Variants in SOS1 observed in about 807,000 individuals in gnomAD.
SOS1 encodes the protein SOS Ras/Rac guanine nucleotide exchange factor 1, also known as son of sevenless homolog 1.
A neutral mutation model predicts 157.6 loss-of-function variants in SOS1; 25 were observed. The ratio of observed to expected loss-of-function variants is 0.16; its 90% CI spans 0.12 to 0.22. The LOEUF (loss-of-function observed/expected upper bound fraction) is 0.22. Among genes scored for constraint, SOS1 ranks in the 10% least tolerant of loss-of-function variants. The pLI, the probability that SOS1 is intolerant of heterozygous loss-of-function variation, is 1.00. For missense variants in SOS1, 1,237 were observed against 1,599.1 expected (o/e 0.77, Z 3.86); for synonymous variants, 528 against 534.0 (o/e 0.99, Z 0.16).
At chr2:39,040,232 T>A (rs1670521876) in intron 6 of SOS1, among the ~76,000 whole-genome samples, 1 of 152,052 alleles carries the variant, frequency 6.6e-6, no homozygotes, top group African/African-American at 2.4e-5. Context: ...TTAGCCAGGA[T>A]GGTCTCGATC....
At chr2:39,044,856 GCGCGCGCGCA>G (rs1165463103) in intron 6 of SOS1, among the ~76,000 whole-genome samples, 1 of 28,422 alleles carries the variant, frequency 3.5e-5, no homozygotes, top group Non-Finnish European at 7.1e-5. Flanking sequence ...ACACATGCGC[GCGCGCGCGCA>G]CACACACACA....
At chr2:39,080,781 T>C (rs920286056) in intron 1 of SOS1, among the ~76,000 whole-genome samples, 1 of 152,052 alleles carries the variant, frequency 6.6e-6, no homozygotes, top group African/African-American at 2.4e-5. Flanking sequence ...AGCCTAGCAA[T>C]ACCCAAATTA....
At chr2:38,993,746 T>A (rs1668803038) in intron 20 of SOS1, 2 of 152,176 alleles carry the variant, frequency 1.3e-5, no homozygotes, top group South Asian at 4.1e-4. Flanking sequence ...GGTTAGTGCT[T>A]CTCAACCTCC....
At chr2:39,046,157 T>C (rs1670776339) in intron 6 of SOS1, among the ~76,000 whole-genome samples, 1 of 152,212 alleles carries the variant, frequency 6.6e-6, no homozygotes. Context: ...TGCTTCATTC[T>C]TTCCTATTAT....
At chr2:39,024,761 G>A (rs1182933425) in intron 8 of SOS1, among the ~76,000 whole-genome samples, 2 of 152,064 alleles carry the variant, frequency 1.3e-5, no homozygotes, top group Non-Finnish European at 1.5e-5. Context: ...AAAAACCAAA[G>A]CACTTTGTAA....
At chr2:39,059,006 TTCTTTC>T (rs1485042463) in intron 2 of SOS1, among the ~76,000 whole-genome samples, 4 of 152,094 alleles carry the variant, frequency 2.6e-5, no homozygotes, top group African/African-American at 9.7e-5. Context: ...AGACTAAACA[TTCTTTC>T]TATTATCTAG....
Position 39,067,760 on chromosome 2 carries a change from A to T in SOS1, c.88-7T>A, listed in dbSNP as rs1416502603. On this transcript the variant is annotated splice_region_variant and splice_polypyrimidine_tract_variant and intron_variant, in intron 1 of 22. Transcript: ENST00000402219. ...GATGAACTTGCCCCTGGACCTATAA[A>T]CAAAAAGCAAAGTAATTAAAATGTG... 8 of 1,610,970 alleles carry T rather than the reference A, an allele frequency of 5.0e-6. No homozygotes were observed. Among genetic ancestry groups the T allele is most frequent in the Non-Finnish European group, 6.8e-6 (8 of 1,177,198 alleles).
rs1418670337 is a variant in SOS1, at chr2:38,983,047, G to A, written c.*2777C>T. The A allele has an allele frequency of 6.6e-6, 1 of 152,106 alleles. No homozygotes were observed. Among genetic ancestry groups the A allele is most frequent in the Non-Finnish European group, 1.5e-5 (1 of 68,010 alleles). The allele number at this position is 152,106 out of a possible 1,614,324, so 9.4% of individuals were successfully genotyped here. ...ACCTTTAATTAAGCGAACTCTCAAT[G>A]TATGTTTCCTGATAATGTGTAGTCT... is the stretch of plus-strand genomic sequence containing the variant. On this transcript the variant is annotated 3_prime_UTR_variant, in exon 23 of 23. Transcript: ENST00000402219.
At chr2:39,096,952 G>T (rs1385299278) in intron 1 of SOS1, among the ~76,000 whole-genome samples, 1 of 151,680 alleles carries the variant, frequency 6.6e-6, no homozygotes. Context: ...AGAATTGCCA[G>T]AAATAAAATC....
intron 20 of SOS1, among the ~76,000 whole-genome samples, chr2:38,991,098 G>A (rs1005222457): frequency 6.6e-6 from 1 of 151,930 alleles, no homozygotes; most frequent in Non-Finnish European, 1.5e-5. Context: ...AGTGTGGGCT[G>A]GGCCTACATA....
intron 2 of SOS1, among the ~76,000 whole-genome samples, chr2:39,062,600 A>AG (rs1204719327): frequency 1.1e-4 from 17 of 150,778 alleles, no homozygotes; most frequent in African/African-American, 3.6e-4. Context: ...AAGAAGTTAA[A>AG]AAAAAAAAAA....
At chr2:39,022,483 C>G in intron 10 of SOS1, 87 bp downstream of exon 10, 1 of 1,017,664 alleles carries the variant, frequency 9.8e-7, no homozygotes, top group Non-Finnish European at 1.5e-6. Context: ...AGTTTCTTTT[C>G]TATTTTAGGC....
intron 17 of SOS1, among the ~76,000 whole-genome samples, chr2:39,003,602 C>A (rs548080693): frequency 6.6e-6 from 1 of 152,190 alleles, no homozygotes; most frequent in Non-Finnish European, 1.5e-5. Context: ...GAATACCATT[C>A]AAACCAAAAA....
At chr2:39,099,932 G>T (rs1343553244) in intron 1 of SOS1, among the ~76,000 whole-genome samples, 2 of 152,068 alleles carry the variant, frequency 1.3e-5, no homozygotes, top group South Asian at 2.1e-4. Context: ...GGCCAGGCTG[G>T]TCTCAAACTC....
intron 1 of SOS1, among the ~76,000 whole-genome samples, chr2:39,069,915 C>T (rs774753603): frequency 1.3e-5 from 2 of 152,064 alleles, no homozygotes; most frequent in African/African-American, 2.4e-5. Flanking sequence ...ATCATTTGCC[C>T]AAGAACTTTT....
intron 1 of SOS1, among the ~76,000 whole-genome samples, chr2:39,080,694 A>C (rs893792221): frequency 2.0e-5 from 3 of 152,180 alleles, no homozygotes; most frequent in African/African-American, 4.8e-5. Context: ...AATTGATACA[A>C]CTATAAACGC....
chr2:39,006,680 T>G, intron 16 of SOS1, 151 bp from the exon 17 acceptor site: 1 of 666,692 alleles, frequency 1.5e-6, no homozygotes, highest in South Asian at 1.8e-5. Context: ...AAATAAATTA[T>G]CTTCATAGAC....
At chr2:39,025,573 T>C (rs1391241806) in intron 8 of SOS1, among the ~76,000 whole-genome samples, 1 of 151,976 alleles carries the variant, frequency 6.6e-6, no homozygotes, top group Non-Finnish European at 1.5e-5. Flanking sequence ...TTAGCCAGGC[T>C]GGTCTCAAAC....
intron 1 of SOS1, among the ~76,000 whole-genome samples, chr2:39,094,210 T>C (rs1445407201): frequency 1.3e-5 from 2 of 152,192 alleles, no homozygotes; most frequent in Non-Finnish European, 2.9e-5. Context: ...TATCTTAATA[T>C]TAAAAATGTT....
Sources: allele counts gnomAD v4.1 joint callset (sites outside exome capture counted in the v4.1 genomes callset), GRCh38; gene constraint gnomAD v4.1.1; transcripts MANE v1.5; gene names NCBI Gene and HGNC (gene_info 2026-07-23, HGNC 2026-07-21).